SIPA1L2: variants seen among roughly 807,000 people sequenced by gnomAD.
The protein encoded by SIPA1L2 is signal-induced proliferation-associated 1-like protein 2.
In SIPA1L2, 56 loss-of-function variants were observed where a neutral mutation model predicts 163.9. The observed-to-expected ratio is 0.34, with a 90% CI of 0.28 to 0.43. SIPA1L2 has a LOEUF of 0.43. SIPA1L2 is among the 20% of genes least tolerant of loss of function. The pLI is 1.00. For missense variants in SIPA1L2, 1,974 were observed against 2,193.5 expected (o/e 0.90, Z 2.00); for synonymous variants, 877 against 865.7 (o/e 1.01, Z -0.23).
At chr1:232,532,662 C>T (rs778027895) in intron 2 of SIPA1L2, among the ~76,000 whole-genome samples, 1 of 152,148 alleles carries the variant, frequency 6.6e-6, no homozygotes, top group Non-Finnish European at 1.5e-5. Flanking sequence ...AAGCACATCC[C>T]ATAACACTTC....
intron 2 of SIPA1L2, among the ~76,000 whole-genome samples, chr1:232,554,528 T>G (rs1436992722): frequency 2.0e-5 from 3 of 152,240 alleles, no homozygotes; most frequent in Non-Finnish European, 4.4e-5. Flanking sequence ...CTTTAGTCTT[T>G]CTCAGGATAC....
intron 2 of SIPA1L2, among the ~76,000 whole-genome samples, chr1:232,541,950 T>G (rs1657710231): frequency 6.6e-6 from 1 of 151,816 alleles, no homozygotes; most frequent in African/African-American, 2.4e-5. Context: ...TCTCTCTCTC[T>G]CTCTCTGTAT....
rs138011175 is a variant in SIPA1L2 at position 232,419,582 on chromosome 1, C to G, written c.4631-3957G>C. On this transcript the variant is annotated intron_variant, in intron 18 of 22. Coordinates refer to ENST00000674635, the MANE Select transcript of SIPA1L2 (RefSeq NM_020808.5). ...CGTGAGATCTGGTTGAGTGTGGCAT[C>G]TCGCCATGGACTCTGTCTTGCTCCT... 1.0e-2 allele frequency among the ~76,000 whole-genome samples: 1,519 copies of G among 152,202 alleles called. 11 individuals are homozygous for G. Among genetic ancestry groups the G allele is most frequent in the Middle Eastern group, 0.024 (7 of 294 alleles).
At position 232,528,078 on chromosome 1, in the gene SIPA1L2, T is replaced by TTATA. The variant is rs67185229; in HGVS notation, c.-269-12474_-269-12471dup. Among the ~76,000 whole-genome samples the TTATA allele has an allele frequency of 5.1e-4, 49 of 96,120 alleles. 2 individuals are homozygous for TTATA. In the East Asian group the frequency reaches 8.7e-3, roughly 17 times the overall value. The allele number at this position is 96,120 out of a possible 152,430, so 63.1% of individuals were successfully genotyped here. ...TCTCTTGTTAGCAAGTAAGCAAGTT[T>TTATA]TATATATATATATATATATATATAA... On this transcript the variant is annotated intron_variant, in intron 2 of 22. Coordinates refer to ENST00000674635, the MANE Select transcript of SIPA1L2 (RefSeq NM_020808.5).
At chr1:232,543,058 A>C (rs1657787542) in intron 2 of SIPA1L2, among the ~76,000 whole-genome samples, 1 of 152,228 alleles carries the variant, frequency 6.6e-6, no homozygotes, top group South Asian at 2.1e-4. Flanking sequence ...CATGAGGCTT[A>C]ATCTGTACTA....
At chr1:232,480,727 T>C (rs1665304476) in intron 6 of SIPA1L2, among the ~76,000 whole-genome samples, 1 of 152,234 alleles carries the variant, frequency 6.6e-6, no homozygotes, top group Admixed American at 6.5e-5. Flanking sequence ...CTCTACTTTT[T>C]AAGCAACAAG....
chr1:232,568,509 C>T (rs1659531739), intron 2 of SIPA1L2, among the ~76,000 whole-genome samples: 1 of 152,038 alleles, frequency 6.6e-6, no homozygotes, highest in Non-Finnish European at 1.5e-5. Flanking sequence ...GAATTAAGGA[C>T]CAAATCTTAC....
intron 19 of SIPA1L2, among the ~76,000 whole-genome samples, chr1:232,410,825 A>G (rs1265368957): frequency 6.6e-6 from 1 of 152,138 alleles, no homozygotes; most frequent in Non-Finnish European, 1.5e-5. Context: ...CTTTTTTAAA[A>G]TGTCACCCAG....
rs139939558 is a variant in SIPA1L2 at position 232,485,868 on chromosome 1, G to A, written c.1807-1902C>T. Among the ~76,000 whole-genome samples, 296 of 152,258 alleles carry A rather than the reference G, an allele frequency of 1.9e-3. 1 individual carries two copies. The highest frequency in any genetic ancestry group is 5.2e-3 in the African/African-American group (217 of 41,568). ...AGAATACTAACTCACTCCAGTGCCTGTGCATCTCAGTGTCCACTGCTTCCT... is the reference window on the plus strand; with the variant it reads ...AGAATACTAACTCACTCCAGTGCCTATGCATCTCAGTGTCCACTGCTTCCT... On this transcript the variant is annotated intron_variant, in intron 5 of 22. Coordinates refer to ENST00000674635, the MANE Select transcript of SIPA1L2 (RefSeq NM_020808.5).
chr1:232,410,561 T>TATATATAC (rs1161093708), intron 19 of SIPA1L2, among the ~76,000 whole-genome samples: 1 of 152,032 alleles, frequency 6.6e-6, no homozygotes, highest in East Asian at 1.9e-4. Flanking sequence ...TATATATATA[T>TATATATAC]ACGCAAGGGC....
intron 8 of SIPA1L2, among the ~76,000 whole-genome samples, chr1:232,468,400 A>T (rs892016192): frequency 1.1e-4 from 17 of 152,222 alleles, no homozygotes; most frequent in African/African-American, 3.9e-4. Flanking sequence ...GTGAGGAGCA[A>T]ACTGGAGTCA....
chr1:232,478,901 G>A (rs1463110307), intron 7 of SIPA1L2, among the ~76,000 whole-genome samples: 2 of 152,192 alleles, frequency 1.3e-5, no homozygotes, highest in Admixed American at 6.5e-5. Flanking sequence ...CCCATAGATC[G>A]TCTATCCCAA....
At chr1:232,530,210 G>A (rs1441087753) in intron 2 of SIPA1L2, among the ~76,000 whole-genome samples, 1 of 52,132 alleles carries the variant, frequency 1.9e-5, no homozygotes, top group South Asian at 5.4e-4. Flanking sequence ...CACCTCCCAG[G>A]TTCAAGCGAT....
intron 22 of SIPA1L2, among the ~76,000 whole-genome samples, chr1:232,401,002 A>C (rs777808224): frequency 3.9e-5 from 6 of 151,936 alleles, no homozygotes; most frequent in Non-Finnish European, 7.4e-5. Context: ...CTGTCCACCA[A>C]CACCTCCAAC....
At chr1:232,431,709 T>C (rs1269342092) in intron 16 of SIPA1L2, among the ~76,000 whole-genome samples, 1 of 152,256 alleles carries the variant, frequency 6.6e-6, no homozygotes, top group African/African-American at 2.4e-5. Flanking sequence ...AGCATAGTTT[T>C]CACAAGTGTT....
At chr1:232,614,126 T>G (rs997978085) in intron 1 of SIPA1L2, among the ~76,000 whole-genome samples, 1 of 152,094 alleles carries the variant, frequency 6.6e-6, no homozygotes, top group African/African-American at 2.4e-5. Context: ...ACTAACTTAC[T>G]GTCATGAAAA....
Position 232,457,562 on chromosome 1 carries a change from A to G in SIPA1L2, c.3095+3325T>C, listed in dbSNP as rs144735463. 2.6e-3 allele frequency among the ~76,000 whole-genome samples: 393 copies of G among 152,336 alleles called. 3 individuals are homozygous for G. Among genetic ancestry groups the G allele is most frequent in the African/African-American group, 8.6e-3 (357 of 41,576 alleles). On this transcript the variant is annotated intron_variant, in intron 10 of 22. Coordinates refer to ENST00000674635, the MANE Select transcript of SIPA1L2 (RefSeq NM_020808.5). The stretch of plus-strand genomic sequence containing the variant: ...CAAGCACGAAGAGTCCATCTGAGAA[A>G]GTTGGAGGTCATTTTCCATGCTGCA...
chr1:232,442,552 G>GAAAA (rs59025710), intron 12 of SIPA1L2, among the ~76,000 whole-genome samples: 1,050 of 74,682 alleles, frequency 0.014, 23 homozygotes, highest in African/African-American at 0.047. Flanking sequence ...CATCTCAAAA[G>GAAAA]AAAAAAAAAA....
chr1:232,428,578 T>C lies in SIPA1L2; in HGVS notation c.4257-14A>G. 1 of 1,502,268 alleles carries C rather than the reference T, an allele frequency of 6.7e-7. No homozygotes were observed. Among genetic ancestry groups the C allele is most frequent in the Non-Finnish European group, 8.9e-7 (1 of 1,126,326 alleles). 93.1% of individuals were successfully genotyped at this position (1,502,268 alleles called of 1,614,324 possible). A position where few individuals can be genotyped will look rare whatever the true frequency, so the allele number is the denominator to read the frequency against. ...TCACTATACATCCTGTTGAAAACAA[T>C]CAGAATGGAAATTAAGCCTATTTGT... On this transcript the variant is annotated splice_polypyrimidine_tract_variant and intron_variant, in intron 16 of 22. Coordinates refer to ENST00000674635, the MANE Select transcript of SIPA1L2 (RefSeq NM_020808.5).
Sources: gnomAD v4.1 joint callset for allele counts (sites outside exome capture counted in the v4.1 genomes callset) on GRCh38, gnomAD v4.1.1 for gene constraint, MANE v1.5 for transcripts, NCBI Gene and HGNC (gene_info 2026-07-23, HGNC 2026-07-21) for gene names.